The following CHIC1 variants were observed in gnomAD, a reference collection of about 807,000 sequenced individuals.
CHIC1 encodes the protein cysteine rich hydrophobic domain 1.
Under a neutral mutation model 18.5 loss-of-function variants are expected in CHIC1, and 7 were observed. The ratio of observed to expected loss-of-function variants is 0.38; its 90% CI spans 0.22 to 0.71. CHIC1 has a LOEUF of 0.71. Among genes scored for constraint, CHIC1 ranks in the 30% least tolerant of loss-of-function variants. The pLI, the probability that CHIC1 is intolerant of heterozygous loss-of-function variation, is 0.49. For synonymous variants in CHIC1, 77 were observed against 73.5 expected (o/e 1.05, Z -0.25); for missense variants, 159 against 176.9 (o/e 0.90, Z 0.57).
intron 3 of CHIC1, among the ~76,000 whole-genome samples, chrX:73,670,328 T>G (rs2058023886): frequency 8.9e-6 from 1 of 112,023 alleles, no homozygotes; most frequent in South Asian, 3.8e-4. Flanking sequence ...TTGAGAGTGG[T>G]GGACCACAGC....
chrX:73,589,244 G>A (rs1375783802), intron 3 of CHIC1, among the ~76,000 whole-genome samples: 1 of 110,487 alleles, frequency 9.1e-6, no homozygotes, highest in Non-Finnish European at 1.9e-5. Context: ...TATGAATTTT[G>A]AGGGAATATA....
intron 3 of CHIC1, among the ~76,000 whole-genome samples, chrX:73,659,552 G>A (rs970194357): frequency 9.1e-6 from 1 of 110,146 alleles, no homozygotes; most frequent in Non-Finnish European, 1.9e-5. Context: ...GCCTTAGATT[G>A]TCTCCTTAAT....
chrX:73,597,003 G>GC lies in CHIC1; in HGVS notation c.507+12432dup, dbSNP rs373341465. ...CATGACCAAAATACCAAAAGCAATT[G>GC]CAACAAAAGCCAAAATTGAAAAATG... On this transcript the variant is annotated intron_variant, in intron 3 of 5. Transcript: ENST00000373502. Among the ~76,000 whole-genome samples the GC allele has an allele frequency of 2.1e-3, 236 of 112,075 alleles. 1 individual carries two copies. Among genetic ancestry groups the GC allele is most frequent in the African/African-American group, 7.2e-3 (222 of 30,948 alleles).
intron 3 of CHIC1, among the ~76,000 whole-genome samples, chrX:73,672,348 A>G (rs1387259761): frequency 9.0e-6 from 1 of 111,423 alleles, no homozygotes; most frequent in Admixed American, 9.5e-5. Flanking sequence ...CGCCACACTG[A>G]CTTCCACAAT....
intron 3 of CHIC1, among the ~76,000 whole-genome samples, chrX:73,613,712 T>C (rs2057719541): frequency 8.9e-6 from 1 of 112,159 alleles, no homozygotes; most frequent in African/African-American, 3.2e-5. Context: ...TGGAAAGTTT[T>C]ATTTGTTCTG....
intron 1 of CHIC1, among the ~76,000 whole-genome samples, chrX:73,565,643 A>G (rs2057441417): frequency 8.9e-6 from 1 of 112,226 alleles, no homozygotes; most frequent in African/African-American, 3.2e-5. Context: ...GAAAGAGATT[A>G]CATGTCTTGG....
At chrX:73,665,973 G>T (rs1254376978) in intron 3 of CHIC1, among the ~76,000 whole-genome samples, 1 of 111,723 alleles carries the variant, frequency 9.0e-6, no homozygotes, top group Non-Finnish European at 1.9e-5. Context: ...GAGCAGTCCT[G>T]CAAACAAATG....
At chrX:73,679,940 A>G (rs2058089584) in intron 5 of CHIC1, among the ~76,000 whole-genome samples, 1 of 111,807 alleles carries the variant, frequency 8.9e-6, no homozygotes, top group Non-Finnish European at 1.9e-5. Flanking sequence ...GTATGCTAAA[A>G]TGAAAACATT....
chrX:73,592,124 G>GT (rs2057584889), intron 3 of CHIC1, among the ~76,000 whole-genome samples: 1 of 110,348 alleles, frequency 9.1e-6, no homozygotes, highest in Non-Finnish European at 1.9e-5. Context: ...GTTTTTCTAG[G>GT]TATAAAATAA....
chrX:73,574,362 C>T (rs765364940), intron 1 of CHIC1, among the ~76,000 whole-genome samples: 8 of 110,525 alleles, frequency 7.2e-5, no homozygotes, highest in African/African-American at 2.0e-4. Context: ...TGTCTATGTT[C>T]GTCAGGGATA....
intron 3 of CHIC1, among the ~76,000 whole-genome samples, chrX:73,623,603 A>C (rs1218635766): frequency 9.0e-6 from 1 of 110,588 alleles, no homozygotes; most frequent in African/African-American, 3.3e-5. Flanking sequence ...GATTTTTCAC[A>C]AATCTTCCAC....
intron 3 of CHIC1, among the ~76,000 whole-genome samples, chrX:73,674,930 T>G (rs1228512523): frequency 2.6e-4 from 29 of 112,104 alleles, no homozygotes; most frequent in Non-Finnish European, 4.7e-4. Flanking sequence ...TTCTGGTATG[T>G]TGTGTCTTTG....
At chrX:73,588,687 A>G in intron 3 of CHIC1, among the ~76,000 whole-genome samples, 1 of 110,905 alleles carries the variant, frequency 9.0e-6, no homozygotes, top group African/African-American at 3.3e-5. Flanking sequence ...TTTGGGCATA[A>G]CAGTGACACT....
chrX:73,656,542 C>T lies in CHIC1; in HGVS notation c.508-22784C>T, dbSNP rs1396310972. On this transcript the variant is annotated intron_variant, in intron 3 of 5. Coordinates refer to ENST00000373502, the MANE Select transcript of CHIC1 (RefSeq NM_001039840.4). Reference sequence around the variant, plus strand: ...TATGGCTAGCCAGTTCTCCCAGCACCATTTCTTAAACATGGAATCCTTTCC... The same window carrying T: ...TATGGCTAGCCAGTTCTCCCAGCACTATTTCTTAAACATGGAATCCTTTCC... Among the ~76,000 whole-genome samples, 3 of 111,721 alleles carry T rather than the reference C, an allele frequency of 2.7e-5. No homozygotes were observed. In the East Asian group the frequency reaches 8.4e-4, roughly 31 times the overall value.
chrX:73,618,605 T>A (rs899617064), intron 3 of CHIC1, among the ~76,000 whole-genome samples: 1 of 111,871 alleles, frequency 8.9e-6, no homozygotes, highest in Non-Finnish European at 1.9e-5. Context: ...CCCAAAAGGC[T>A]GGTCTCACTT....
chrX:73,658,520 ATCT>A (rs2057963237), intron 3 of CHIC1, among the ~76,000 whole-genome samples: 1 of 100,356 alleles, frequency 1.0e-5, no homozygotes, highest in Non-Finnish European at 2.0e-5. Context: ...TTACTTGATA[ATCT>A]TCTCTCTTTT....
chrX:73,624,756 G>T (rs2057776011), intron 3 of CHIC1, among the ~76,000 whole-genome samples: 1 of 111,936 alleles, frequency 8.9e-6, no homozygotes, highest in Non-Finnish European at 1.9e-5. Context: ...TTGTTTCAGA[G>T]ACCTGCAGCA....
At chrX:73,586,542 T>G (rs12010008) in intron 3 of CHIC1, among the ~76,000 whole-genome samples, 3,735 of 111,367 alleles carry the variant, frequency 0.034, 157 homozygotes, top group African/African-American at 0.11. Context: ...CACTACTGAT[T>G]TTCTAATATG....
chrX:73,583,506 G>C (rs976031236), intron 2 of CHIC1, among the ~76,000 whole-genome samples: 32 of 110,800 alleles, frequency 2.9e-4, no homozygotes, highest in African/African-American at 1.0e-3. Flanking sequence ...TGCTTTTATA[G>C]CCAGATGCTA....
Sources: allele counts gnomAD v4.1 joint callset (sites outside exome capture counted in the v4.1 genomes callset), GRCh38; gene constraint gnomAD v4.1.1; transcripts MANE v1.5; gene names NCBI Gene and HGNC (gene_info 2026-07-23, HGNC 2026-07-21).